The following TAFA2 variants were observed in gnomAD, a reference collection of about 807,000 sequenced individuals.
TAFA2 encodes the protein TAFA chemokine like family member 2.
Under a neutral mutation model 18.8 loss-of-function variants are expected in TAFA2, and 7 were observed. That is an observed-to-expected ratio of 0.37 (90% confidence interval 0.21 to 0.70). The LOEUF (loss-of-function observed/expected upper bound fraction) is 0.70, where lower values mean the gene tolerates loss of function less well. Among genes scored for constraint, TAFA2 ranks in the 30% least tolerant of loss-of-function variants. The pLI is 0.53. For missense variants in TAFA2, 122 were observed against 158.1 expected, an observed-to-expected ratio of 0.77 and a Z score of 1.23; for synonymous variants, 60 against 54.2, an observed-to-expected ratio of 1.11 and a Z score of -0.47.
At chr12:61,756,492 A>G (rs1036747883) in intron 2 of TAFA2, among the ~76,000 whole-genome samples, 18 of 152,072 alleles carry the variant, frequency 1.2e-4, no homozygotes, top group Non-Finnish European at 2.1e-4. Flanking sequence ...TGCCTTCTCT[A>G]CATTTCTTTA....
At chr12:61,860,795 C>A (rs2121196012) in intron 2 of TAFA2, among the ~76,000 whole-genome samples, 1 of 152,290 alleles carries the variant, frequency 6.6e-6, no homozygotes, top group Admixed American at 6.5e-5. Context: ...TGTACCCTAT[C>A]CATTTTACAG....
chr12:62,256,352 T>A (rs994946134), intron 1 of TAFA2, among the ~76,000 whole-genome samples: 2 of 152,182 alleles, frequency 1.3e-5, no homozygotes, highest in African/African-American at 4.8e-5. Context: ...ACTTTCTAGA[T>A]CCTATAGGAC....
chr12:62,061,767 C>A (rs950059243), intron 1 of TAFA2, among the ~76,000 whole-genome samples: 1 of 152,132 alleles, frequency 6.6e-6, no homozygotes, highest in Non-Finnish European at 1.5e-5. Context: ...TTTATTCATT[C>A]ATTGAATATT....
chr12:61,771,071 C>T (rs1476086338), intron 2 of TAFA2, among the ~76,000 whole-genome samples: 7 of 151,938 alleles, frequency 4.6e-5, no homozygotes, highest in Non-Finnish European at 1.0e-4. Context: ...TGCAAATGGA[C>T]ACCAAAAGTG....
At chr12:62,115,663 G>A (rs1187581914) in intron 1 of TAFA2, among the ~76,000 whole-genome samples, 1 of 152,120 alleles carries the variant, frequency 6.6e-6, no homozygotes, top group Non-Finnish European at 1.5e-5. Flanking sequence ...CCACAGTCCT[G>A]CTTCCCACGG....
intron 1 of TAFA2, among the ~76,000 whole-genome samples, chr12:62,103,015 C>T (rs1869278803): frequency 6.6e-6 from 1 of 152,204 alleles, no homozygotes; most frequent in Admixed American, 6.5e-5. Flanking sequence ...CATCCTTGTG[C>T]TCATGCAACC....
At chr12:61,872,450 G>A (rs1874653249) in intron 1 of TAFA2, among the ~76,000 whole-genome samples, 1 of 152,078 alleles carries the variant, frequency 6.6e-6, no homozygotes, top group African/African-American at 2.4e-5. Flanking sequence ...CGGTGGATTA[G>A]TCACGTGCCC....
At chr12:61,712,081 TGA>T in intron 4 of TAFA2, among the ~76,000 whole-genome samples, 1 of 151,752 alleles carries the variant, frequency 6.6e-6, no homozygotes, top group African/African-American at 2.4e-5. Flanking sequence ...GAGAGGAAAT[TGA>T]GAGAGAAAGA....
At chr12:62,169,838 G>A (rs1325218204) in intron 1 of TAFA2, among the ~76,000 whole-genome samples, 7 of 130,080 alleles carry the variant, frequency 5.4e-5, no homozygotes, top group African/African-American at 2.1e-4. Flanking sequence ...GCGACAGGGC[G>A]AGACTCCGTC....
intron 4 of TAFA2, among the ~76,000 whole-genome samples, chr12:61,716,997 T>C (rs533044096): frequency 9.2e-5 from 14 of 152,326 alleles, no homozygotes; most frequent in Admixed American, 2.6e-4. Context: ...TCATTCTAAG[T>C]GCTGATTTGA....
At chr12:61,728,952 C>T (rs1241436278) in intron 4 of TAFA2, among the ~76,000 whole-genome samples, 1 of 151,930 alleles carries the variant, frequency 6.6e-6, no homozygotes, top group African/African-American at 2.4e-5. Flanking sequence ...CAAATTCTCT[C>T]AGCATTTGTT....
chr12:61,755,100 G>C, intron 2 of TAFA2, 76 bp from the exon 3 acceptor site: 1 of 1,434,828 alleles, frequency 7.0e-7, no homozygotes, highest in South Asian at 1.2e-5. Flanking sequence ...TTAATTAGCA[G>C]TACATTAAAT....
At chr12:62,115,466 G>A (rs1322659618) in intron 1 of TAFA2, among the ~76,000 whole-genome samples, 1 of 152,088 alleles carries the variant, frequency 6.6e-6, no homozygotes, top group Non-Finnish European at 1.5e-5. Context: ...TGTTAGCAGT[G>A]CACATCATGT....
intron 1 of TAFA2, among the ~76,000 whole-genome samples, chr12:62,144,760 C>G (rs1398882285): frequency 6.6e-6 from 1 of 152,198 alleles, no homozygotes; most frequent in African/African-American, 2.4e-5. Context: ...TAGGATGCCA[C>G]CATCCCAAGG....
intron 1 of TAFA2, among the ~76,000 whole-genome samples, chr12:61,927,722 A>C (rs1212876616): frequency 6.6e-6 from 1 of 152,252 alleles, no homozygotes; most frequent in Non-Finnish European, 1.5e-5. Context: ...AACCAAAAAG[A>C]ACAAAGCTGG....
chr12:62,010,979 C>T (rs2588508), intron 1 of TAFA2, among the ~76,000 whole-genome samples: 13,176 of 84,494 alleles, frequency 0.16, 3,294 homozygotes, highest in East Asian at 0.25. Flanking sequence ...GTGGGGGGCG[C>T]CTCTGCCCGG....
At chr12:62,230,601 T>C (rs1001467657) in intron 1 of TAFA2, among the ~76,000 whole-genome samples, 1 of 152,250 alleles carries the variant, frequency 6.6e-6, no homozygotes, top group African/African-American at 2.4e-5. Flanking sequence ...CTTTTTTGAA[T>C]TTGTTGAGGC....
intron 1 of TAFA2, among the ~76,000 whole-genome samples, chr12:62,203,006 T>G: frequency 6.6e-6 from 1 of 151,972 alleles, no homozygotes; most frequent in South Asian, 2.1e-4. Context: ...TTTGTATTTC[T>G]AGTAGAGACA....
intron 1 of TAFA2, among the ~76,000 whole-genome samples, chr12:62,128,882 C>T (rs1435646443): frequency 6.6e-6 from 1 of 152,002 alleles, no homozygotes; most frequent in African/African-American, 2.4e-5. Context: ...GTTGTAAATA[C>T]GATACATTAA....
Sources: allele counts gnomAD v4.1 joint callset (sites outside exome capture counted in the v4.1 genomes callset), GRCh38; gene constraint gnomAD v4.1.1; transcripts MANE v1.5; gene names NCBI Gene and HGNC (gene_info 2026-07-23, HGNC 2026-07-21).